ZFAT: variants seen among roughly 807,000 people sequenced by gnomAD.
ZFAT encodes the protein zinc finger and AT-hook domain containing.
A neutral mutation model predicts 117.7 loss-of-function variants in ZFAT; 64 were observed. That is an observed-to-expected ratio of 0.54 (90% CI 0.44 to 0.67). The LOEUF (loss-of-function observed/expected upper bound fraction) is 0.67, where lower values mean the gene tolerates loss of function less well. Among genes scored for constraint, ZFAT ranks in the 30% least tolerant of loss-of-function variants. ZFAT has a pLI of 0.00. For missense variants in ZFAT, 1,433 were observed against 1,584.5 expected, an observed-to-expected ratio of 0.90 and a Z score of 1.62; for synonymous variants, 679 against 615.0, an observed-to-expected ratio of 1.10 and a Z score of -1.54.
the ZFAT span, among the ~76,000 whole-genome samples, chr8:134,769,212 C>T: frequency 6.6e-6 from 1 of 152,154 alleles, no homozygotes; most frequent in Non-Finnish European, 1.5e-5. Flanking sequence ...AGTCCAAAGT[C>T]TCATCCAAGA....
chr8:134,631,812 G>A (rs1390897083), intron 3 of ZFAT, among the ~76,000 whole-genome samples: 2 of 152,180 alleles, frequency 1.3e-5, no homozygotes, highest in African/African-American at 4.8e-5. Flanking sequence ...GTTGTGTAGG[G>A]TGTAGCCACT....
chr8:134,662,130 T>C (rs138777271), intron 1 of ZFAT, among the ~76,000 whole-genome samples: 283 of 152,280 alleles, frequency 1.9e-3, no homozygotes, highest in Non-Finnish European at 3.2e-3. Flanking sequence ...TCCTGGTTCA[T>C]AGCTGGTGCC....
chr8:134,826,891 T>C, the ZFAT span, among the ~76,000 whole-genome samples: 7 of 152,330 alleles, frequency 4.6e-5, no homozygotes, highest in South Asian at 1.4e-3. Context: ...GAACTTTGTA[T>C]TGACGCTATA....
chr8:134,785,385 G>T, the ZFAT span: 1 of 152,020 alleles, frequency 6.6e-6, no homozygotes, highest in Admixed American at 6.6e-5. Context: ...TCAGATGTGT[G>T]ACTCTTTTTC....
At chr8:134,824,396 A>G in the ZFAT span, among the ~76,000 whole-genome samples, 37 of 152,358 alleles carry the variant, frequency 2.4e-4, no homozygotes, top group Admixed American at 3.3e-4. Context: ...GCAAGTGATA[A>G]GAGCAAATAT....
chr8:134,503,878 C>G (rs1819179057), intron 15 of ZFAT, among the ~76,000 whole-genome samples: 1 of 152,114 alleles, frequency 6.6e-6, no homozygotes, highest in Non-Finnish European at 1.5e-5. Flanking sequence ...TTGTCAACCT[C>G]CACAGTCACA....
At chr8:134,539,060 AAG>A (rs1474471039) in intron 11 of ZFAT, among the ~76,000 whole-genome samples, 1 of 152,234 alleles carries the variant, frequency 6.6e-6, no homozygotes, top group Non-Finnish European at 1.5e-5. Flanking sequence ...AACAGAAAGA[AAG>A]AGAGTAGAAG....
rs1280238858 is a variant in ZFAT at position 134,583,829 on chromosome 8, C to T, written c.2887+3G>A. The T allele has an allele frequency of 6.2e-7, 1 of 1,613,322 alleles. No homozygotes were observed. Among genetic ancestry groups the T allele is most frequent in the Non-Finnish European group, 8.5e-7 (1 of 1,179,620 alleles). ...GAAAGTTCACCTTGGGCCATTTACT[C>T]ACCATCTGCAGTGTGAAGGAGTTTG... On this transcript the variant is annotated splice_donor_region_variant and intron_variant, in intron 10 of 15. Coordinates refer to ENST00000377838, the MANE Select transcript of ZFAT (RefSeq NM_020863.4).
intron 1 of ZFAT, chr8:134,696,381 C>T: frequency 1.0e-6 from 1 of 985,616 alleles, no homozygotes; most frequent in South Asian, 4.7e-5. Flanking sequence ...TGAAACCACC[C>T]AGGAATCAAC....
At chr8:134,627,929 G>A (rs1274327634) in intron 3 of ZFAT, among the ~76,000 whole-genome samples, 5 of 152,224 alleles carry the variant, frequency 3.3e-5, no homozygotes, top group African/African-American at 1.2e-4. Flanking sequence ...AGGCCGTGGT[G>A]CAAGTGTGGA....
At chr8:134,531,886 A>G (rs114406308) in intron 12 of ZFAT, among the ~76,000 whole-genome samples, 6 of 152,352 alleles carry the variant, frequency 3.9e-5, no homozygotes, top group African/African-American at 1.2e-4. Context: ...TCACGCTGAA[A>G]CAAAACTCCA....
intron 1 of ZFAT, among the ~76,000 whole-genome samples, chr8:134,702,349 C>T (rs779753549): frequency 2.2e-4 from 33 of 152,198 alleles, no homozygotes; most frequent in Non-Finnish European, 4.4e-4. Flanking sequence ...GGATTGCTAC[C>T]TTTTATGGTA....
chr8:134,541,707 C>A (rs534816397), intron 11 of ZFAT, among the ~76,000 whole-genome samples: 1 of 152,262 alleles, frequency 6.6e-6, no homozygotes, highest in African/African-American at 2.4e-5. Flanking sequence ...GAATGACAAT[C>A]GCAGGATCAA....
chr8:134,579,590 C>T (rs1825576404), intron 10 of ZFAT, among the ~76,000 whole-genome samples: 1 of 152,178 alleles, frequency 6.6e-6, no homozygotes, highest in African/African-American at 2.4e-5. Flanking sequence ...GGCGGAGACA[C>T]AGCCAAACCA....
At position 134,602,480 on chromosome 8, in the gene ZFAT, G is replaced by C. The variant is rs1248099947; in HGVS notation, c.1239C>G (p.Phe413Leu). The part of the protein sequence containing the change: ...LYDCHICERK[F>L]KNELDRDRHM... Reference sequence around the variant, plus strand: ...GGCGGTCACGGTCCAGCTCGTTCTTGAACTTGCGCTCACAGATGTGGCAGT... The same window carrying C: ...GGCGGTCACGGTCCAGCTCGTTCTTCAACTTGCGCTCACAGATGTGGCAGT... The change falls in exon 6 of 16, where the codon TTC (phenylalanine) becomes TTG (leucine). Residue 413 changes from phenylalanine (F) to leucine (L), a missense_variant. This residue lies in a region of ZFAT where 73 missense variants were observed against 122.0 expected (regional missense o/e 0.60). Coordinates refer to ENST00000377838, the MANE Select transcript of ZFAT (RefSeq NM_020863.4). 1 of 1,613,760 alleles carries C rather than the reference G, an allele frequency of 6.2e-7. No homozygotes were observed. The highest frequency in any genetic ancestry group is 1.3e-5 in the African/African-American group (1 of 74,938).
rs569803098 is a variant in ZFAT, at chr8:134,583,612, G to A, written c.2887+220C>T. On this transcript the variant is annotated intron_variant, in intron 10 of 15. Coordinates refer to ENST00000377838, the MANE Select transcript of ZFAT (RefSeq NM_020863.4). Reference sequence around the variant, plus strand: ...CCTGCATACCTCCACCACTGGCACCGACACACCCAGTAAGTGTTTATCCTG... The same window carrying A: ...CCTGCATACCTCCACCACTGGCACCAACACACCCAGTAAGTGTTTATCCTG... 1.2e-4 allele frequency among the ~76,000 whole-genome samples: 18 copies of A among 149,730 alleles called. No homozygotes were observed. In the East Asian group the frequency reaches 3.3e-3, roughly 28 times the overall value.
intron 1 of ZFAT, among the ~76,000 whole-genome samples, chr8:134,685,114 T>TC (rs1371278215): frequency 6.6e-6 from 1 of 151,550 alleles, no homozygotes; most frequent in African/African-American, 2.4e-5. Flanking sequence ...CACTGGACCC[T>TC]CCCTGCTGTC....
intron 1 of ZFAT, among the ~76,000 whole-genome samples, chr8:134,706,131 C>T (rs187655859): frequency 6.6e-6 from 1 of 152,306 alleles, no homozygotes; most frequent in Admixed American, 6.5e-5. Context: ...AACATAACTA[C>T]TCTATAACCC....
At chr8:134,624,124 G>A (rs1361653610) in intron 3 of ZFAT, among the ~76,000 whole-genome samples, 1 of 151,916 alleles carries the variant, frequency 6.6e-6, no homozygotes, top group African/African-American at 2.4e-5. Context: ...ACCCACAGGA[G>A]GGCTCAAAAA....
Sources: allele counts gnomAD v4.1 joint callset (sites outside exome capture counted in the v4.1 genomes callset), GRCh38; gene constraint gnomAD v4.1.1; regional missense constraint gnomAD v4.1.1; transcripts MANE v1.5; gene names NCBI Gene and HGNC (gene_info 2026-07-23, HGNC 2026-07-21).